The following SGO1 variants were observed in gnomAD, a reference collection of about 807,000 sequenced individuals.
The protein encoded by SGO1 is shugoshin 1.
SGO1 carries 39 observed loss-of-function variants against 50.5 expected under a neutral mutation model. The ratio of observed to expected loss-of-function variants is 0.77; its 90% CI spans 0.60 to 1.01. SGO1 has a LOEUF of 1.01. Among genes scored for constraint, SGO1 ranks in the 50% least tolerant of loss-of-function variants. SGO1 has a pLI of 0.00. For missense variants in SGO1, 638 were observed against 606.0 expected (o/e 1.05, Z -0.55); for synonymous variants, 191 against 205.1 (o/e 0.93, Z 0.59).
exon 9 of SGO1, chr3:20,161,016 C>G (rs1700008535): frequency 1.3e-6 from 2 of 1,576,208 alleles, no homozygotes; most frequent in Admixed American, 3.7e-5. Context: ...TCTCCCCCAA[C>G]ACATAAAGCT....
intron 6 of SGO1, among the ~76,000 whole-genome samples, chr3:20,171,885 G>A (rs924815206): frequency 2.0e-5 from 3 of 152,196 alleles, no homozygotes; most frequent in African/African-American, 7.2e-5. Flanking sequence ...ATACTTTGAA[G>A]TTACACCTAT....
chr3:20,174,771 T>G lies in SGO1; in HGVS notation c.760A>C (p.Asn254His), dbSNP rs1559360439. 6.2e-7 allele frequency: 1 copy of G among 1,614,106 alleles called. No individual in the cohort carries two copies. The highest frequency in any genetic ancestry group is 8.5e-7 in the Non-Finnish European group (1 of 1,180,020). Reference protein sequence around the residue: ...NACQWSKDQVNLSPKLIQPGT... With the variant: ...NACQWSKDQVHLSPKLIQPGT... ...GGCTGAATCAGCTTTGGTGATAAGTTAACTTGGTCCTTGCTCCATTGACAA... is the reference window on the plus strand; with the variant it reads ...GGCTGAATCAGCTTTGGTGATAAGTGAACTTGGTCCTTGCTCCATTGACAA... Residue 254 changes from asparagine (N) to histidine (H), a missense_variant, in exon 6 of 8, where the codon AAC becomes CAC. Transcript: ENST00000412997.
intron 3 of SGO1, among the ~76,000 whole-genome samples, chr3:20,179,293 T>C (rs1701750294): frequency 6.6e-6 from 1 of 152,212 alleles, no homozygotes; most frequent in Admixed American, 6.5e-5. Flanking sequence ...TAAGTGGAGA[T>C]AGCAAATGGT....
chr3:20,171,651 T>C (rs946621056), intron 6 of SGO1, among the ~76,000 whole-genome samples: 1 of 152,242 alleles, frequency 6.6e-6, no homozygotes, highest in Non-Finnish European at 1.5e-5. Flanking sequence ...TGTTTAACCA[T>C]GGAATTTCAT....
In SGO1 at chr3:20,170,768, G is replaced by A. The variant is rs1433061989; in HGVS notation, c.1520C>T (p.Ser507Phe). ...ATCCTTTTTCTGCTTGAAAATAGGA[G>A]AATTCAAAAAACACAAATCTGTAAA... ...DPFTDLCFLN[S>F]PIFKQKKDLR... The change falls in exon 8 of 8, where the codon TCT becomes TTT. Residue 507 changes from serine to phenylalanine, a missense_variant. By Grantham distance (155) the Ser-to-Phe change is radical. Transcript: ENST00000412997. 1 of 1,594,442 alleles carries A rather than the reference G, an allele frequency of 6.3e-7. No individual in the cohort carries two copies. Among genetic ancestry groups the A allele is most frequent in the Non-Finnish European group, 8.5e-7 (1 of 1,175,392 alleles).
intron 8 of SGO1, among the ~76,000 whole-genome samples, chr3:20,163,665 C>G (rs1341830370): frequency 1.3e-5 from 2 of 152,052 alleles, no homozygotes; most frequent in African/African-American, 4.8e-5. Flanking sequence ...TATTTTGTGG[C>G]AAAGTTATCT....
rs919123729 is a variant in SGO1 at position 20,169,943 on chromosome 3, C to T, written c.*761G>A. ...ACTACACAGAGTTTCAAAAGATCCA[C>T]AATAATTTATTTTACTCAAATATTG... On this transcript the variant is annotated 3_prime_UTR_variant, in exon 8 of 8. Coordinates refer to ENST00000412997, the MANE Select transcript of SGO1 (RefSeq NM_001199251.3). 7.9e-5 allele frequency: 78 copies of T among 983,566 alleles called. No homozygotes were observed. In the Middle Eastern group the frequency reaches 3.1e-3, roughly 40 times the overall value. The allele number at this position is 983,566 out of a possible 1,614,324, so 60.9% of individuals were successfully genotyped here.
chr3:20,172,371 C>T (rs1174669670), intron 6 of SGO1, among the ~76,000 whole-genome samples: 2 of 152,022 alleles, frequency 1.3e-5, no homozygotes, highest in African/African-American at 4.8e-5. Context: ...CGTGGTGGCA[C>T]ATGCCTGTAA....
chr3:20,171,262 TAA>T (rs369158870), intron 6 of SGO1, 30 bp from the exon 7 acceptor site: 36 of 1,250,114 alleles, frequency 2.9e-5, no homozygotes, highest in African/African-American at 7.9e-5. Context: ...GAATATGATT[TAA>T]AAAAAAAAAC....
At chr3:20,162,800 T>TA (rs544888308) in intron 8 of SGO1, among the ~76,000 whole-genome samples, 38 of 142,444 alleles carry the variant, frequency 2.7e-4, no homozygotes, top group East Asian at 6.2e-4. Flanking sequence ...TTTCTAGAGG[T>TA]AAAAAAAAAA....
chr3:20,181,714 T>G (rs537180677), intron 3 of SGO1, among the ~76,000 whole-genome samples: 1 of 152,306 alleles, frequency 6.6e-6, no homozygotes, highest in East Asian at 1.9e-4. Context: ...TTAGAGGAAC[T>G]GTTTCCCCCT....
intron 6 of SGO1, among the ~76,000 whole-genome samples, chr3:20,172,544 T>C: frequency 6.7e-6 from 1 of 149,848 alleles, no homozygotes; most frequent in East Asian, 2.0e-4. Flanking sequence ...GACTCCACGG[T>C]ATGGGGTATG....
exon 9 of SGO1, chr3:20,160,969 T>C: frequency 7.5e-7 from 1 of 1,329,104 alleles, no homozygotes; most frequent in South Asian, 1.4e-5. Flanking sequence ...ATTATGTATG[T>C]AGGCTGAGTG....
chr3:20,182,846 G>A (rs1248715094), intron 3 of SGO1, among the ~76,000 whole-genome samples: 2 of 151,918 alleles, frequency 1.3e-5, no homozygotes, highest in Non-Finnish European at 1.5e-5. Flanking sequence ...GTGAAACCCC[G>A]TCTCTACTAA....
At chr3:20,186,489 C>T (rs1702685718), upstream of SGO1, 2 of 152,236 alleles carry the variant, frequency 1.3e-5, no homozygotes, top group Admixed American at 1.3e-4. Flanking sequence ...TTCAAAGCTT[C>T]CTGTTTCTTC....
In SGO1 at chr3:20,183,972, T is replaced by C; in HGVS notation, c.56A>G (p.Lys19Arg). ...KSFQDSLEDI[K>R]KRMKEKRNKN... ...ATTCCTTTTCTCTTTCATTCGCTTC[T>C]TTATGTCTTCAAGACTATCTTGAAA... The change falls in exon 2 of 8, where the codon AAG (lysine) becomes AGG (arginine). Residue 19 changes from lysine to arginine, a missense_variant. Lys to Arg is a conservative substitution (Grantham distance 26, BLOSUM62 2). Coordinates refer to ENST00000412997, the MANE Select transcript of SGO1 (RefSeq NM_001199251.3). 1 of 1,612,590 alleles carries C rather than the reference T, an allele frequency of 6.2e-7. No homozygotes were observed. Among genetic ancestry groups the C allele is most frequent in the South Asian group, 1.1e-5 (1 of 90,520 alleles).
In SGO1 at chr3:20,169,916, A is replaced by G. The variant is rs1036845943; in HGVS notation, c.*788T>C. 4.0e-5 allele frequency: 39 copies of G among 983,616 alleles called. No homozygotes were observed. Among genetic ancestry groups the G allele is most frequent in the Middle Eastern group, 1.0e-3 (2 of 1,930 alleles). 60.9% of individuals were successfully genotyped at this position (983,616 alleles called of 1,614,324 possible). A position where few individuals can be genotyped will look rare whatever the true frequency, so the allele number is the denominator to read the frequency against. ...AATGTCAAATATTTATTTTACTCGA[A>G]TACTACACAGAGTTTCAAAAGATCC... On this transcript the variant is annotated 3_prime_UTR_variant, in exon 8 of 8. Coordinates refer to ENST00000412997, the MANE Select transcript of SGO1 (RefSeq NM_001199251.3).
chr3:20,168,628 C>T (rs1010772971), downstream of SGO1, among the ~76,000 whole-genome samples: 8 of 149,818 alleles, frequency 5.3e-5, no homozygotes, highest in Admixed American at 4.0e-4. Context: ...AAGGTGGTTA[C>T]ATGGACTGAG....
chr3:20,162,777 G>T (rs74840824), intron 8 of SGO1, among the ~76,000 whole-genome samples: 8 of 121,324 alleles, frequency 6.6e-5, no homozygotes, highest in African/African-American at 2.1e-4. Context: ...ATAAAATAAA[G>T]AACCAAATGG....
Sources: gnomAD v4.1 joint callset for allele counts (sites outside exome capture counted in the v4.1 genomes callset) on GRCh38, gnomAD v4.1.1 for gene constraint, MANE v1.5 for transcripts, NCBI Gene and HGNC (gene_info 2026-07-23, HGNC 2026-07-21) for gene names.